Variants in PATJ observed in about 807,000 individuals in gnomAD.
PATJ encodes PATJ crumbs cell polarity complex component, also known as inaD-like protein.
In PATJ, 190 loss-of-function variants were observed where a neutral mutation model predicts 224.9. The observed-to-expected ratio is 0.84, with a 90% CI of 0.75 to 0.95. The LOEUF (loss-of-function observed/expected upper bound fraction) is 0.95. Ranked by LOEUF, PATJ falls within the 40% of genes least tolerant of loss-of-function variation. PATJ has a pLI of 0.00. For synonymous variants in PATJ, 769 were observed against 820.3 expected (o/e 0.94, Z 1.07); for missense variants, 2,121 against 2,270.3 (o/e 0.93, Z 1.34).
At chr1:61,784,515 A>T (rs149886593) in intron 7 of PATJ, among the ~76,000 whole-genome samples, 5 of 152,378 alleles carry the variant, frequency 3.3e-5, no homozygotes, top group Middle Eastern at 3.4e-3. Context: ...TCAGTGACAG[A>T]TGCAAATTAT....
intron 29 of PATJ, among the ~76,000 whole-genome samples, chr1:62,021,436 G>A (rs972048257): frequency 1.3e-5 from 2 of 152,272 alleles, no homozygotes; most frequent in East Asian, 3.9e-4. Context: ...TTCCTGCATG[G>A]TCATTCAATT....
chr1:61,796,850 GTCTTTCCTTCCC>G (rs1285383329), intron 10 of PATJ, among the ~76,000 whole-genome samples: 39 of 116,830 alleles, frequency 3.3e-4, no homozygotes, highest in East Asian at 2.4e-3. Flanking sequence ...CCTTCCTTCC[GTCTTTCCTTCCC>G]TCTTTCCTTC....
chr1:61,853,254 C>G lies in PATJ; in HGVS notation c.2113-2776C>G, dbSNP rs536402351. On this transcript the variant is annotated intron_variant, in intron 17 of 43. Coordinates refer to ENST00000642238, the MANE Select transcript of PATJ (RefSeq NM_001350145.3). ...GGTAGAAGTCTATTTCCATTTCCTT[C>G]TGGTGAATCGTCCTTTAGAATGTTC... 1.1e-4 allele frequency among the ~76,000 whole-genome samples: 17 copies of G among 152,274 alleles called. No individual in the cohort carries two copies. The South Asian group carries it at 3.1e-3, about 28-fold the overall frequency.
chr1:61,802,031 C>T (rs1652637212), intron 12 of PATJ, among the ~76,000 whole-genome samples: 1 of 151,194 alleles, frequency 6.6e-6, no homozygotes, highest in Admixed American at 6.6e-5. Flanking sequence ...TAGTGTGCTG[C>T]ACCCATTAAC....
At chr1:61,924,062 T>A (rs1028619876) in intron 26 of PATJ, among the ~76,000 whole-genome samples, 1 of 151,494 alleles carries the variant, frequency 6.6e-6, no homozygotes, top group Non-Finnish European at 1.5e-5. Context: ...AGTGAAAGAA[T>A]AGGCAATCAG....
At chr1:61,915,244 A>G (rs1673283768) in intron 26 of PATJ, among the ~76,000 whole-genome samples, 2 of 152,140 alleles carry the variant, frequency 1.3e-5, no homozygotes, top group Admixed American at 1.3e-4. Flanking sequence ...TTACTGTCCC[A>G]CTGTTTTAAA....
chr1:61,826,713 TTAAACA>T (rs1219894040), intron 15 of PATJ, among the ~76,000 whole-genome samples: 5 of 152,240 alleles, frequency 3.3e-5, no homozygotes, highest in Admixed American at 3.3e-4. Context: ...CTTTTTTCTT[TTAAACA>T]TATGAGACAC....
At chr1:61,772,046 AGAT>A (rs1646643567) in intron 6 of PATJ, among the ~76,000 whole-genome samples, 1 of 151,498 alleles carries the variant, frequency 6.6e-6, no homozygotes, top group Non-Finnish European at 1.5e-5. Flanking sequence ...TGGTTAAAAA[AGAT>A]GATCATATCT....
intron 28 of PATJ, chr1:61,991,733 A>G (rs1645075956): frequency 1.0e-6 from 1 of 984,040 alleles, no homozygotes; most frequent in Non-Finnish European, 1.2e-6. Context: ...GACTAGCATA[A>G]TCATTACATA....
At chr1:61,768,233 G>T (rs1646399020) in intron 4 of PATJ, among the ~76,000 whole-genome samples, 1 of 151,978 alleles carries the variant, frequency 6.6e-6, no homozygotes, top group Non-Finnish European at 1.5e-5. Context: ...ACTTTGGGAG[G>T]CCAAGGCAGG....
intron 38 of PATJ, among the ~76,000 whole-genome samples, chr1:62,122,010 T>C (rs1665119812): frequency 6.6e-6 from 1 of 151,980 alleles, no homozygotes; most frequent in African/African-American, 2.4e-5. Context: ...GGGGTCCTTT[T>C]AAGTCTTTTG....
At chr1:62,103,324 G>A (rs950477888) in intron 33 of PATJ, among the ~76,000 whole-genome samples, 2 of 152,130 alleles carry the variant, frequency 1.3e-5, no homozygotes, top group East Asian at 1.9e-4. Context: ...ATGAGCTTTC[G>A]TTTCCTCAGC....
rs138939642 is a variant in PATJ, at chr1:62,051,675, A to G, written c.4125+617A>G. On this transcript the variant is annotated intron_variant, in intron 31 of 43. Transcript: ENST00000642238. ...TTTAATATTGGATTTTTATAAGGCCAGAGCTGTGCTTAATTAGTCCTGGAG... is the reference window on the plus strand; with the variant it reads ...TTTAATATTGGATTTTTATAAGGCCGGAGCTGTGCTTAATTAGTCCTGGAG... Among the ~76,000 whole-genome samples the G allele has an allele frequency of 5.9e-3, 902 of 152,306 alleles. 4 individuals carry two copies. Among genetic ancestry groups the G allele is most frequent in the Middle Eastern group, 0.01 (3 of 294 alleles).
chr1:61,937,644 C>A lies in PATJ; in HGVS notation c.3670+9815C>A, dbSNP rs553190082. Among the ~76,000 whole-genome samples the A allele has an allele frequency of 7.4e-3, 709 of 96,122 alleles. 3 individuals carry two copies. Among genetic ancestry groups the A allele is most frequent in the Admixed American group, 0.019 (125 of 6,712 alleles). The allele number at this position is 96,122 out of a possible 152,430, so 63.1% of individuals were successfully genotyped here. A position where few individuals can be genotyped will look rare whatever the true frequency, so the allele number is the denominator to read the frequency against. ...AAGAAAGATAATGACGAGGGACTTT[C>A]TTCTTCTTTTTTTTTTTTTTTTTGA... On this transcript the variant is annotated intron_variant, in intron 27 of 43. Coordinates refer to ENST00000642238, the MANE Select transcript of PATJ (RefSeq NM_001350145.3).
chr1:62,011,854 G>T (rs17122913), intron 28 of PATJ, among the ~76,000 whole-genome samples: 1,599 of 152,116 alleles, frequency 0.011, 32 homozygotes, highest in African/African-American at 0.036. Flanking sequence ...TATTGCATTT[G>T]GGACTTTAAA....
intron 7 of PATJ, among the ~76,000 whole-genome samples, chr1:61,782,100 A>G (rs1647471964): frequency 6.6e-6 from 1 of 152,112 alleles, no homozygotes; most frequent in South Asian, 2.1e-4. Flanking sequence ...CACTTTAGGC[A>G]CCTAGAGCCA....
At chr1:61,746,059 G>A (rs1000226717) in intron 1 of PATJ, among the ~76,000 whole-genome samples, 24 of 151,556 alleles carry the variant, frequency 1.6e-4, no homozygotes, top group Admixed American at 1.3e-4. Context: ...CTGGCTCAGC[G>A]TCACAACCTC....
intron 30 of PATJ, among the ~76,000 whole-genome samples, chr1:62,046,206 A>AGAAAGGAAGGAAGGAAG (rs1225751584): frequency 1.4e-5 from 2 of 142,130 alleles, no homozygotes; most frequent in Admixed American, 1.4e-4. Flanking sequence ...TGAAGAAAAA[A>AGAAAGGAAGGAAGGAAG]GAAAGGAAGG....
At chr1:61,994,778 T>G (rs532112817) in intron 28 of PATJ, among the ~76,000 whole-genome samples, 1 of 152,232 alleles carries the variant, frequency 6.6e-6, no homozygotes, top group South Asian at 2.1e-4. Flanking sequence ...GGTCTTAAAC[T>G]CCTGATCTCA....
Sources: gnomAD v4.1 joint callset for allele counts (sites outside exome capture counted in the v4.1 genomes callset) on GRCh38, gnomAD v4.1.1 for gene constraint, MANE v1.5 for transcripts, NCBI Gene and HGNC (gene_info 2026-07-23, HGNC 2026-07-21) for gene names.